TENM1: variants seen among roughly 807,000 people sequenced by gnomAD.
TENM1 encodes the protein teneurin-1.
In TENM1, 35 loss-of-function variants were observed where a neutral mutation model predicts 174.8. That is an observed-to-expected ratio of 0.20 (90% CI 0.15 to 0.27). The LOEUF (loss-of-function observed/expected upper bound fraction) is 0.27, where lower values mean the gene tolerates loss of function less well. TENM1 is among the 10% of genes least tolerant of loss of function. TENM1 has a pLI of 1.00. For missense variants in TENM1, 1,633 were observed against 2,130.1 expected (o/e 0.77, Z 4.59); for synonymous variants, 781 against 798.7 (o/e 0.98, Z 0.37).
the TENM1 span, among the ~76,000 whole-genome samples, chrX:125,101,993 G>T: frequency 3.6e-5 from 4 of 111,618 alleles, no homozygotes; most frequent in African/African-American, 1.3e-4. Context: ...TACATCCAAA[G>T]AAAAAAGAGT....
chrX:125,125,237 T>C, the TENM1 span, among the ~76,000 whole-genome samples: 1 of 112,189 alleles, frequency 8.9e-6, no homozygotes, highest in Non-Finnish European at 1.9e-5. Context: ...AATCGACACA[T>C]GACCTCATCA....
the TENM1 span, among the ~76,000 whole-genome samples, chrX:124,974,904 A>AAAT: frequency 1.0e-5 from 1 of 96,611 alleles, no homozygotes; most frequent in African/African-American, 3.7e-5. Flanking sequence ...ATATATATAA[A>AAAT]ATAATTTTGA....
intron 17 of TENM1, 51 bp downstream of exon 20, chrX:124,523,313 G>A: frequency 8.6e-7 from 1 of 1,160,119 alleles, no homozygotes. Context: ...ATACACTGTT[G>A]ACCACTCCAT....
chrX:124,783,855 A>T (rs1030866787), intron 3 of TENM1, among the ~76,000 whole-genome samples: 1 of 112,337 alleles, frequency 8.9e-6, no homozygotes, highest in Non-Finnish European at 1.9e-5. Flanking sequence ...AACCACTGGA[A>T]AGTCAAGGGG....
At chrX:124,434,311 AT>A (rs930433739) in intron 23 of TENM1, among the ~76,000 whole-genome samples, 6 of 111,619 alleles carry the variant, frequency 5.4e-5, no homozygotes, top group Non-Finnish European at 1.9e-5. Flanking sequence ...CCACTCTATT[AT>A]ATAAGGGTTT....
At chrX:124,516,984 T>C (rs745642807) in intron 18 of TENM1, among the ~76,000 whole-genome samples, 1 of 111,993 alleles carries the variant, frequency 8.9e-6, no homozygotes, top group South Asian at 3.7e-4. Context: ...AAGAATGACA[T>C]TGTGTCTTTT....
At chrX:124,470,413 G>T (rs1421125004) in intron 22 of TENM1, among the ~76,000 whole-genome samples, 2 of 110,948 alleles carry the variant, frequency 1.8e-5, no homozygotes, top group Non-Finnish European at 3.8e-5. Context: ...ATATATATAG[G>T]TCTGGAAGGA....
At chrX:124,954,179 C>T (rs2058536098) in intron 1 of TENM1, among the ~76,000 whole-genome samples, 1 of 111,693 alleles carries the variant, frequency 9.0e-6, no homozygotes, top group Non-Finnish European at 1.9e-5. Flanking sequence ...AAATTTAGCC[C>T]TACTAGGTGA....
intron 5 of TENM1, among the ~76,000 whole-genome samples, chrX:124,685,806 G>A (rs763173940): frequency 3.6e-5 from 4 of 111,629 alleles, no homozygotes; most frequent in Non-Finnish European, 7.5e-5. Flanking sequence ...TGATCTGCCC[G>A]CCTTGGCCTC....
At chrX:124,604,749 C>G (rs556150916) in intron 11 of TENM1, among the ~76,000 whole-genome samples, 95 of 110,572 alleles carry the variant, frequency 8.6e-4, no homozygotes, top group African/African-American at 2.9e-3. Flanking sequence ...CAAAGTAATC[C>G]TGATACATAG....
intron 3 of TENM1, among the ~76,000 whole-genome samples, chrX:124,821,865 T>C (rs1322376037): frequency 1.8e-5 from 2 of 112,295 alleles, no homozygotes; most frequent in Non-Finnish European, 3.8e-5. Context: ...CTTAAGCCAC[T>C]TGTACAGTAG....
intron 4 of TENM1, among the ~76,000 whole-genome samples, chrX:124,715,399 A>C (rs1480111360): frequency 9.0e-6 from 1 of 110,916 alleles, no homozygotes; most frequent in Non-Finnish European, 1.9e-5. Flanking sequence ...TAAAAAAAAA[A>C]AAAACTCTTC....
chrX:124,813,510 T>C (rs1207960192), intron 3 of TENM1, among the ~76,000 whole-genome samples: 1 of 111,982 alleles, frequency 8.9e-6, no homozygotes, highest in Non-Finnish European at 1.9e-5. Context: ...AACTACAGTA[T>C]GTTTTTGTAA....
At chrX:125,175,048 A>T in the TENM1 span, among the ~76,000 whole-genome samples, 1 of 111,728 alleles carries the variant, frequency 9.0e-6, no homozygotes, top group Non-Finnish European at 1.9e-5. Context: ...ACATGCGCAC[A>T]CACAAGTCAA....
At chrX:124,401,850 C>T (rs773157442) in intron 27 of TENM1, among the ~76,000 whole-genome samples, 1 of 111,890 alleles carries the variant, frequency 8.9e-6, no homozygotes, top group Non-Finnish European at 1.9e-5. Context: ...TTGCCTGCTT[C>T]ATGCTTTTCC....
intron 3 of TENM1, among the ~76,000 whole-genome samples, chrX:124,817,770 G>A (rs1243307228): frequency 9.0e-6 from 1 of 111,545 alleles, no homozygotes; most frequent in African/African-American, 3.3e-5. Context: ...GTTGGCAGAG[G>A]AAAACAAGAT....
At chrX:124,653,688 T>C in exon 7 of TENM1, 1 of 1,210,797 alleles carries the variant, frequency 8.3e-7, no homozygotes, top group South Asian at 1.8e-5. Flanking sequence ...TGGATAGTAA[T>C]CTGGAAACGC....
Position 124,839,978 on chromosome X carries a change from G to T in TENM1, c.535+54318C>A, listed in dbSNP as rs972439331. Among the ~76,000 whole-genome samples, 11 of 111,399 alleles carry T rather than the reference G, an allele frequency of 9.9e-5. No individual in the cohort carries two copies. In the East Asian group the frequency reaches 2.5e-3, roughly 26 times the overall value. The stretch of plus-strand genomic sequence containing the variant: ...TGGATCCTTGAGAATTCAACCTCCG[G>T]CAATGACTTCTTATAAGTTGGACAT... On this transcript the variant is annotated intron_variant, in intron 3 of 31. Coordinates refer to ENST00000422452, the Ensembl canonical transcript of TENM1.
At chrX:124,647,377 T>C (rs982549810) in intron 8 of TENM1, among the ~76,000 whole-genome samples, 3 of 111,833 alleles carry the variant, frequency 2.7e-5, no homozygotes, top group Non-Finnish European at 5.6e-5. Context: ...CATTAGAACC[T>C]AAGTATTTTG....
Sources: allele counts gnomAD v4.1 joint callset (sites outside exome capture counted in the v4.1 genomes callset), GRCh38; gene constraint gnomAD v4.1.1; transcripts MANE v1.5; gene names NCBI Gene and HGNC (gene_info 2026-07-23, HGNC 2026-07-21).